Variants in RHOBTB3 observed in about 807,000 individuals in gnomAD.
RHOBTB3 encodes the protein rho-related BTB domain-containing protein 3.
A neutral mutation model predicts 67.2 loss-of-function variants in RHOBTB3; 47 were observed. That is an observed-to-expected ratio of 0.70 (90% CI 0.55 to 0.89). The LOEUF (loss-of-function observed/expected upper bound fraction) is 0.89, where lower values mean the gene tolerates loss of function less well. Among genes scored for constraint, RHOBTB3 ranks in the 40% least tolerant of loss-of-function variants. The pLI is 0.00. For missense variants in RHOBTB3, 631 were observed against 750.0 expected (o/e 0.84, Z 1.85); for synonymous variants, 273 against 274.2 (o/e 1.00, Z 0.04).
rs773493852 is a variant in RHOBTB3 at position 95,755,739 on chromosome 5, C to G, written c.1026C>G (p.Asp342Glu). 1 of 1,613,620 alleles carries G rather than the reference C, an allele frequency of 6.2e-7. No homozygotes were observed. The highest frequency in any genetic ancestry group is 1.7e-5 in the Admixed American group (1 of 59,996). ...CCCTCTTCTGTTCTTGTTTATCAGA[C>G]ATCCTTCGCTTCATTTATTCAGGTA... The part of the protein sequence containing the change: ...KDALFCSCLS[D>E]ILRFIYSGAF... Residue 342 changes from aspartate (D) to glutamate (E), a missense_variant, in exon 6 of 12, where the codon GAC (aspartate) becomes GAG (glutamate). By Grantham distance (45) the Asp-to-Glu change is conservative. Coordinates refer to ENST00000379982, the MANE Select transcript of RHOBTB3 (RefSeq NM_014899.4).
In RHOBTB3 at chr5:95,732,075, T is replaced by C. The variant is rs978866918; in HGVS notation, c.219T>C (p.Cys73=). The change falls in exon 2 of 12, where the codon TGT becomes TGC. Residue 73 remains cysteine, a synonymous_variant. Transcript: ENST00000379982. ...ATGTCAAGCTGGTGGTCCACGACTG[T>C]CCCGTCTGGGTAAGGAAGAGCAGCT... The part of the protein sequence containing the change: ...FGNVKLVVHD[C]PVWDIFDSDW... 1.2e-6 allele frequency: 2 copies of C among 1,613,974 alleles called. No individual in the cohort carries two copies. Among genetic ancestry groups the C allele is most frequent in the African/African-American group, 2.7e-5 (2 of 74,924 alleles).
chr5:95,722,082 T>C (rs1403145635), intron 1 of RHOBTB3, among the ~76,000 whole-genome samples: 1 of 152,072 alleles, frequency 6.6e-6, no homozygotes, highest in Non-Finnish European at 1.5e-5. Flanking sequence ...TCAGGGGAAA[T>C]GATCTGTGAT....
intron 2 of RHOBTB3, among the ~76,000 whole-genome samples, chr5:95,734,787 G>C (rs555948997): frequency 6.6e-6 from 1 of 152,166 alleles, no homozygotes; most frequent in East Asian, 1.9e-4. Context: ...GCTCTGATTT[G>C]GATTACAAAT....
chr5:95,775,402 ATG>A (rs1185681114), intron 8 of RHOBTB3, among the ~76,000 whole-genome samples: 1 of 143,964 alleles, frequency 6.9e-6, no homozygotes. Flanking sequence ...GTATATATAT[ATG>A]TGTATATATA....
chr5:95,726,638 A>T (rs186742656), upstream of RHOBTB3, among the ~76,000 whole-genome samples: 1 of 152,308 alleles, frequency 6.6e-6, no homozygotes, highest in East Asian at 1.9e-4. Flanking sequence ...TTTACCTTGC[A>T]ATGTGGCTCC....
At chr5:95,775,731 A>G (rs1005749568) in intron 8 of RHOBTB3, among the ~76,000 whole-genome samples, 6 of 152,076 alleles carry the variant, frequency 3.9e-5, no homozygotes, top group Non-Finnish European at 7.4e-5. Context: ...AAATGGGAAT[A>G]GCAATTGGAA....
chr5:95,775,962 C>T (rs1255146285), intron 8 of RHOBTB3, among the ~76,000 whole-genome samples: 2 of 151,920 alleles, frequency 1.3e-5, no homozygotes, highest in Non-Finnish European at 2.9e-5. Flanking sequence ...TTTTTCTATA[C>T]ACTTAAAATA....
chr5:95,729,886 A>G (rs968403126), upstream of RHOBTB3, among the ~76,000 whole-genome samples: 1 of 152,240 alleles, frequency 6.6e-6, no homozygotes, highest in Non-Finnish European at 1.5e-5. Flanking sequence ...TTACATGTGT[A>G]TACCACATTT....
upstream of RHOBTB3, chr5:95,731,209 C>G (rs1487269710): frequency 1.0e-6 from 1 of 1,001,484 alleles, no homozygotes; most frequent in Non-Finnish European, 1.2e-6. Context: ...CCGCGGGGAG[C>G]GCGTCCCCCG....
In RHOBTB3 at chr5:95,720,672, A is replaced by G. The variant is rs571967615; in HGVS notation, n.133+2907A>G. On this transcript the variant is annotated intron_variant and non_coding_transcript_variant, in intron 1 of 5. Transcript: ENST00000504949. ...TTTTGTTTGTATTACATTATACGTC[A>G]CTGCTTCTTATGTTATACCAGGGCT... Among the ~76,000 whole-genome samples, 23 of 151,852 alleles carry G rather than the reference A, an allele frequency of 1.5e-4. No homozygotes were observed. In the East Asian group the frequency reaches 3.9e-3, roughly 26 times the overall value.
Position 95,736,920 on chromosome 5 carries a change from G to A in RHOBTB3, c.260G>A (p.Arg87Gln), listed in dbSNP as rs757819060. The change falls in exon 3 of 12, where the codon CGA becomes CAA. Residue 87 changes from arginine (R) to glutamine (Q), a missense_variant. Transcript: ENST00000379982. ...TTTGACAGTGATTGGTACACTTCTC[G>A]AAATCTAATTGGGGGCGCTGACATC... ...DIFDSDWYTS[R>Q]NLIGGADIIV... 3.1e-6 allele frequency: 5 copies of A among 1,610,660 alleles called. No homozygotes were observed. The highest frequency in any genetic ancestry group is 1.7e-5 in the Admixed American group (1 of 59,090).
chr5:95,721,620 A>G (rs1580380083), intron 1 of RHOBTB3, among the ~76,000 whole-genome samples: 1 of 151,992 alleles, frequency 6.6e-6, no homozygotes, highest in East Asian at 1.9e-4. Flanking sequence ...CAGAGATATT[A>G]CTGAGGTCCC....
intron 8 of RHOBTB3, among the ~76,000 whole-genome samples, chr5:95,779,581 A>C (rs1745989960): frequency 1.3e-5 from 2 of 152,174 alleles, no homozygotes; most frequent in African/African-American, 4.8e-5. Flanking sequence ...GGGCTGAGAG[A>C]GCCCTCAAAA....
At chr5:95,758,975 T>C (rs1745321164) in intron 6 of RHOBTB3, among the ~76,000 whole-genome samples, 1 of 152,122 alleles carries the variant, frequency 6.6e-6, no homozygotes, top group African/African-American at 2.4e-5. Context: ...AAAGTAAAAA[T>C]GGGGTGAGCT....
rs1745225393 is a variant in RHOBTB3 at position 95,755,726 on chromosome 5, C to A, written c.1013C>A (p.Ser338Tyr). 1 of 1,613,824 alleles carries A rather than the reference C, an allele frequency of 6.2e-7. No homozygotes were observed. Among genetic ancestry groups the A allele is most frequent in the South Asian group, 1.1e-5 (1 of 91,084 alleles). The change falls in exon 6 of 12, where the codon TCT becomes TAT. Residue 338 changes from serine to tyrosine, a missense_variant. By Grantham distance (144) the Ser-to-Tyr change is moderately radical. Transcript: ENST00000379982. The part of the protein sequence containing the change: ...RVIVKDALFC[S>Y]CLSDILRFIY... ...ATTGTTAAAGACGCCCTCTTCTGTT[C>A]TTGTTTATCAGACATCCTTCGCTTC... is the stretch of plus-strand genomic sequence containing the variant.
At chr5:95,745,345 T>C (rs747905592) in intron 3 of RHOBTB3, among the ~76,000 whole-genome samples, 1 of 152,178 alleles carries the variant, frequency 6.6e-6, no homozygotes, top group Non-Finnish European at 1.5e-5. Context: ...GTCTTCATCA[T>C]ACTTGGCTCT....
chr5:95,729,217 A>G (rs532169588), upstream of RHOBTB3, among the ~76,000 whole-genome samples: 2 of 152,264 alleles, frequency 1.3e-5, no homozygotes, highest in East Asian at 3.9e-4. Flanking sequence ...CTTGCCCTGA[A>G]TTCTTCGCTG....
intron 8 of RHOBTB3, among the ~76,000 whole-genome samples, chr5:95,779,679 G>T (rs920705786): frequency 2.6e-5 from 4 of 152,210 alleles, no homozygotes; most frequent in African/African-American, 7.2e-5. Context: ...TGGGGAGACT[G>T]CAGGGATTAA....
At chr5:95,725,508 G>A (rs1356481537) in intron 1 of RHOBTB3, among the ~76,000 whole-genome samples, 2 of 152,282 alleles carry the variant, frequency 1.3e-5, no homozygotes, top group Non-Finnish European at 1.5e-5. Context: ...ACGCCTTTGC[G>A]TGAGCCCTGA....
Sources: allele counts gnomAD v4.1 joint callset (sites outside exome capture counted in the v4.1 genomes callset), GRCh38; gene constraint gnomAD v4.1.1; transcripts MANE v1.5; gene names NCBI Gene and HGNC (gene_info 2026-07-23, HGNC 2026-07-21).